The following MTUS2 variants were observed in gnomAD, a reference collection of about 807,000 sequenced individuals.
MTUS2 encodes microtubule associated scaffold protein 2, also known as microtubule-associated tumor suppressor candidate 2.
In MTUS2, 40 loss-of-function variants were observed where a neutral mutation model predicts 114.1. The observed-to-expected ratio is 0.35, with a 90% CI of 0.27 to 0.46. The LOEUF is 0.46. Ranked by LOEUF, MTUS2 falls within the 20% of genes least tolerant of loss-of-function variation. The pLI is 1.00. For synonymous variants in MTUS2, 688 were observed against 672.0 expected, an observed-to-expected ratio of 1.02 and a Z score of -0.37; for missense variants, 1,679 against 1,705.4, an observed-to-expected ratio of 0.98 and a Z score of 0.27.
intron 8 of MTUS2, among the ~76,000 whole-genome samples, chr13:29,431,892 T>G (rs982747857): frequency 2.6e-5 from 4 of 152,092 alleles, no homozygotes; most frequent in Non-Finnish European, 5.9e-5. Flanking sequence ...TCACCCAGTC[T>G]GGAGTGCAGT....
At chr13:28,939,826 G>A (rs1882126058) in intron 2 of MTUS2, among the ~76,000 whole-genome samples, 1 of 152,126 alleles carries the variant, frequency 6.6e-6, no homozygotes, top group Admixed American at 6.5e-5. Flanking sequence ...AATATATAAA[G>A]GAAAGAAGTT....
intron 2 of MTUS2, among the ~76,000 whole-genome samples, chr13:28,951,289 T>TA (rs1162928736): frequency 6.6e-6 from 1 of 152,214 alleles, no homozygotes; most frequent in Non-Finnish European, 1.5e-5. Context: ...TTACTTTGGA[T>TA]AGTATTGACA....
intron 2 of MTUS2, among the ~76,000 whole-genome samples, chr13:29,022,225 A>G (rs1032103866): frequency 1.3e-5 from 2 of 152,214 alleles, no homozygotes; most frequent in African/African-American, 2.4e-5. Flanking sequence ...AAAAGTTTAC[A>G]TGCTTATGTA....
chr13:29,139,782 G>A (rs937509579), intron 5 of MTUS2, among the ~76,000 whole-genome samples: 3 of 152,102 alleles, frequency 2.0e-5, no homozygotes, highest in Non-Finnish European at 4.4e-5. Flanking sequence ...ATCCTTTTGT[G>A]CCATGATTCC....
chr13:29,059,878 G>C (rs1372189141), intron 4 of MTUS2, among the ~76,000 whole-genome samples: 2 of 152,210 alleles, frequency 1.3e-5, no homozygotes, highest in Non-Finnish European at 2.9e-5. Context: ...TGTTTACTTT[G>C]CCATCTGGTG....
chr13:29,251,234 A>G (rs1897112607), intron 5 of MTUS2, among the ~76,000 whole-genome samples: 1 of 151,944 alleles, frequency 6.6e-6, no homozygotes, highest in Non-Finnish European at 1.5e-5. Context: ...GTACTTATGT[A>G]GGCAAGCCCC....
intron 9 of MTUS2, among the ~76,000 whole-genome samples, chr13:29,471,505 T>C (rs1162845573): frequency 6.6e-6 from 1 of 152,188 alleles, no homozygotes; most frequent in African/African-American, 2.4e-5. Flanking sequence ...TTGGCCTGCC[T>C]ATCTGAACAC....
At chr13:29,446,910 A>G (rs952984699) in intron 9 of MTUS2, among the ~76,000 whole-genome samples, 15 of 152,154 alleles carry the variant, frequency 9.9e-5, no homozygotes, top group Non-Finnish European at 1.9e-4. Flanking sequence ...TAGAGTCCCT[A>G]TGGAGTGGCT....
In MTUS2 at chr13:29,183,926, C is replaced by T. The variant is rs913963135; in HGVS notation, c.2644+82956C>T. 4.6e-5 allele frequency among the ~76,000 whole-genome samples: 7 copies of T among 152,202 alleles called. No homozygotes were observed. In the East Asian group the frequency reaches 5.8e-4, roughly 13 times the overall value. ...GGTCTTTTACTACTCTTTCTTCCCC[C>T]GTAGTTTGTTATAAAAATATTTAAA... On this transcript the variant is annotated intron_variant, in intron 5 of 15. Coordinates refer to ENST00000612955, the MANE Select transcript of MTUS2 (RefSeq NM_001033602.4).
Position 28,906,262 on chromosome 13 carries a change from T to G in MTUS2, c.-243+66412T>G, listed in dbSNP as rs980006249. Among the ~76,000 whole-genome samples the G allele has an allele frequency of 3.6e-4, 54 of 151,536 alleles. 1 individual carries two copies. Among genetic ancestry groups the G allele is most frequent in the African/African-American group, 1.3e-3 (52 of 41,102 alleles). ...TTTATGTCTCTATTTCCTTCAGTTC[T>G]GCTCTGATTTTAGTTATTTCTTGCC... On this transcript the variant is annotated intron_variant, in intron 2 of 15. Transcript: ENST00000612955.
chr13:28,871,741 A>G (rs1398402157), intron 2 of MTUS2, among the ~76,000 whole-genome samples: 2 of 152,218 alleles, frequency 1.3e-5, no homozygotes, highest in Non-Finnish European at 2.9e-5. Flanking sequence ...AGGAGATAGG[A>G]TTGCTGAAGT....
chr13:29,342,456 G>A (rs1382391747), intron 7 of MTUS2, among the ~76,000 whole-genome samples: 1 of 152,048 alleles, frequency 6.6e-6, no homozygotes. Context: ...TTGATTGTCA[G>A]TTTGGTTGCT....
chr13:29,446,521 A>G (rs913676069), intron 9 of MTUS2, among the ~76,000 whole-genome samples: 2 of 152,212 alleles, frequency 1.3e-5, no homozygotes, highest in Admixed American at 6.5e-5. Context: ...AAACTACAGT[A>G]AGTTCCTTTT....
At chr13:29,465,892 C>A (rs1214193510) in intron 9 of MTUS2, among the ~76,000 whole-genome samples, 1 of 152,260 alleles carries the variant, frequency 6.6e-6, no homozygotes, top group Non-Finnish European at 1.5e-5. Context: ...TGCCTGCTGG[C>A]AGGAAGCCAG....
At chr13:28,896,783 C>T (rs187536877) in intron 2 of MTUS2, among the ~76,000 whole-genome samples, 9 of 152,248 alleles carry the variant, frequency 5.9e-5, no homozygotes, top group Non-Finnish European at 1.0e-4. Context: ...ACAAACCTGA[C>T]AAAAACAAGA....
intron 7 of MTUS2, among the ~76,000 whole-genome samples, chr13:29,345,826 T>A (rs1223063077): frequency 6.6e-6 from 1 of 152,194 alleles, no homozygotes; most frequent in Admixed American, 6.5e-5. Context: ...ATTGTTCAGA[T>A]TCTTCTGTCC....
At chr13:28,898,755 A>G (rs775123610) in intron 2 of MTUS2, among the ~76,000 whole-genome samples, 19 of 152,152 alleles carry the variant, frequency 1.2e-4, no homozygotes, top group Admixed American at 3.3e-4. Context: ...AGACATTAAT[A>G]TTTTTATTTT....
At chr13:29,000,190 C>T (rs1258911177) in intron 2 of MTUS2, among the ~76,000 whole-genome samples, 1 of 152,146 alleles carries the variant, frequency 6.6e-6, no homozygotes, top group Non-Finnish European at 1.5e-5. Flanking sequence ...TTTGAGAAAT[C>T]TCCATACTGG....
At chr13:28,895,279 A>C (rs537952878) in intron 2 of MTUS2, among the ~76,000 whole-genome samples, 214 of 152,284 alleles carry the variant, frequency 1.4e-3, no homozygotes, top group African/African-American at 4.4e-3. Context: ...TCCTCTAAGC[A>C]TTTTATTGTA....
Sources: allele counts gnomAD v4.1 joint callset (sites outside exome capture counted in the v4.1 genomes callset), GRCh38; gene constraint gnomAD v4.1.1; transcripts MANE v1.5; gene names NCBI Gene and HGNC (gene_info 2026-07-23, HGNC 2026-07-21).